Variants in NNMT observed in about 807,000 individuals in gnomAD.
NNMT encodes nicotinamide N-methyltransferase.
Under a neutral mutation model 11.7 loss-of-function variants are expected in NNMT, and 10 were observed. The observed-to-expected ratio is 0.85, with a 90% CI of 0.53 to 1.45. The LOEUF (loss-of-function observed/expected upper bound fraction) is 1.45. Ranked by LOEUF, NNMT falls within the 40% of genes most tolerant of loss-of-function variation. The probability of loss-of-function intolerance (pLI) is 0.00; values close to 1 mark genes in which losing one functional copy is unlikely to be tolerated. For synonymous variants in NNMT, 143 were observed against 133.8 expected (o/e 1.07, Z -0.48); for missense variants, 381 against 319.4 (o/e 1.19, Z -1.47).
chr11:114,264,267 G>A (rs1284163929), intron 2 of NNMT, among the ~76,000 whole-genome samples: 2 of 151,938 alleles, frequency 1.3e-5, no homozygotes, highest in African/African-American at 2.4e-5. Context: ...CCTTGGAAGA[G>A]CAAAATTCTA....
chr11:114,280,256 TG>T (rs2135256098), intron 2 of NNMT, among the ~76,000 whole-genome samples: 1 of 152,278 alleles, frequency 6.6e-6, no homozygotes, highest in Non-Finnish European at 1.5e-5. Flanking sequence ...AGAATGGCAC[TG>T]TGGAGAGTAC....
rs755320068 is a variant in NNMT, at chr11:114,312,669, G to A, written c.*192G>A. 1.1e-5 allele frequency: 6 copies of A among 568,670 alleles called. No homozygotes were observed. The Admixed American group carries it at 1.8e-4, about 17-fold the overall frequency. 35.2% of individuals were successfully genotyped at this position (568,670 alleles called of 1,614,324 possible). ...TACTTGGTGCTGCACACAAATGTTG[G>A]TGCTATGGGACCCAAAGATGAGCAA... On this transcript the variant is annotated 3_prime_UTR_variant, in exon 3 of 3. Transcript: ENST00000299964.
chr11:114,290,834 A>G (rs926473824), intron 2 of NNMT, among the ~76,000 whole-genome samples: 4 of 152,316 alleles, frequency 2.6e-5, no homozygotes, highest in African/African-American at 9.6e-5. Flanking sequence ...CTGGTTGTAG[A>G]ATTCTAAGTT....
upstream of NNMT, among the ~76,000 whole-genome samples, chr11:114,291,839 C>G (rs985511136): frequency 6.6e-6 from 1 of 152,158 alleles, no homozygotes; most frequent in Non-Finnish European, 1.5e-5. Context: ...CCACTTTTTA[C>G]TTAGTCAATT....
At chr11:114,284,350 C>G (rs917650426) in intron 2 of NNMT, among the ~76,000 whole-genome samples, 2 of 152,232 alleles carry the variant, frequency 1.3e-5, no homozygotes, top group Non-Finnish European at 2.9e-5. Context: ...GGCCTGGACA[C>G]CTCGTGGCTG....
At chr11:114,301,264 C>T (rs1437022765) in intron 2 of NNMT, among the ~76,000 whole-genome samples, 1 of 152,200 alleles carries the variant, frequency 6.6e-6, no homozygotes, top group African/African-American at 2.4e-5. Context: ...ATGTATTACA[C>T]TCCTCAGTAT....
In NNMT at chr11:114,296,679, T is replaced by C. The variant is rs1945382597; in HGVS notation, c.123T>C (p.Leu41=). The change falls in exon 1 of 3, where the codon CTT becomes CTC. Residue 41 remains leucine, a synonymous_variant. Coordinates refer to ENST00000299964, the MANE Select transcript of NNMT (RefSeq NM_006169.3). ...HSAESQILKH[L]LKNLFKIFCL... is the part of the protein sequence containing the mutation. Reference sequence around the variant, plus strand: ...CAGAAAGCCAGATTCTTAAGCACCTTCTGAAAAATCTTTTCAAGATATTCT... The same window carrying C: ...CAGAAAGCCAGATTCTTAAGCACCTCCTGAAAAATCTTTTCAAGATATTCT... 1 of 1,614,204 alleles carries C rather than the reference T, an allele frequency of 6.2e-7. No individual in the cohort carries two copies. The highest frequency in any genetic ancestry group is 1.1e-5 in the South Asian group (1 of 91,078).
At chr11:114,277,733 C>G (rs1344464115) in intron 2 of NNMT, among the ~76,000 whole-genome samples, 5 of 152,116 alleles carry the variant, frequency 3.3e-5, no homozygotes, top group Non-Finnish European at 4.4e-5. Flanking sequence ...GGACAGTGCT[C>G]CAAGCCAGCA....
chr11:114,297,687 A>G (rs1391482562), intron 1 of NNMT, among the ~76,000 whole-genome samples: 1 of 151,992 alleles, frequency 6.6e-6, no homozygotes, highest in African/African-American at 2.4e-5. Context: ...AGGTCTCACT[A>G]TGTTGTCCAG....
At position 114,298,071 on chromosome 11, in the gene NNMT, A is replaced by G. The variant is rs760730004; in HGVS notation, c.275A>G (p.Gln92Arg). The change falls in exon 2 of 3, where the codon CAG becomes CGG. Residue 92 changes from glutamine (Q) to arginine (R), a missense_variant. Transcript: ENST00000299964. ...ACTGACTACTCAGACCAGAACCTGC[A>G]GGAGCTGGAGAAGTGGCTGAAGAAA... ...VVTDYSDQNLQELEKWLKKEP... is the reference protein window; with the variant it reads ...VVTDYSDQNLRELEKWLKKEP... The G allele has an allele frequency of 6.2e-7, 1 of 1,614,118 alleles. No individual in the cohort carries two copies. The highest frequency in any genetic ancestry group is 2.2e-5 in the East Asian group (1 of 44,866).
chr11:114,284,751 T>C (rs184348899), intron 2 of NNMT, among the ~76,000 whole-genome samples: 150 of 132,722 alleles, frequency 1.1e-3, no homozygotes, highest in South Asian at 2.3e-3. Context: ...CGTGAGCCAC[T>C]GCACCCGGCC....
In NNMT at chr11:114,278,939, T is replaced by C. The variant is rs115648405; in HGVS notation, c.-130+16005T>C. ...GGCAGCCAGGCACATGTGCAGGGTTTCCAGGGCAGGTGCCCTACGCAAGAC... is the reference window on the plus strand; with the variant it reads ...GGCAGCCAGGCACATGTGCAGGGTTCCCAGGGCAGGTGCCCTACGCAAGAC... On this transcript the variant is annotated intron_variant, in intron 2 of 4. Transcript: ENST00000535401. Among the ~76,000 whole-genome samples the C allele has an allele frequency of 8.2e-3, 1,249 of 152,298 alleles. 15 individuals are homozygous for C. The highest frequency in any genetic ancestry group is 0.028 in the African/African-American group (1,165 of 41,532).
At chr11:114,299,860 C>T (rs1945421065) in intron 2 of NNMT, among the ~76,000 whole-genome samples, 2 of 149,982 alleles carry the variant, frequency 1.3e-5, no homozygotes, top group South Asian at 4.2e-4. Context: ...GTGATCTCTC[C>T]TCTTTCATTC....
intron 2 of NNMT, among the ~76,000 whole-genome samples, chr11:114,285,302 G>T (rs988912961): frequency 6.6e-6 from 1 of 152,152 alleles, no homozygotes. Context: ...AAAGCTCTAC[G>T]AGAGGGCACA....
chr11:114,267,965 C>T (rs1195006262), intron 2 of NNMT, among the ~76,000 whole-genome samples: 16 of 152,110 alleles, frequency 1.1e-4, no homozygotes, highest in Admixed American at 9.8e-4. Flanking sequence ...CATACTGCAT[C>T]GATTTGTTAT....
At chr11:114,266,542 C>A (rs1252934755) in intron 2 of NNMT, among the ~76,000 whole-genome samples, 1 of 151,914 alleles carries the variant, frequency 6.6e-6, no homozygotes, top group Non-Finnish European at 1.5e-5. Flanking sequence ...ACCCCCACCC[C>A]CAGTCCCACC....
chr11:114,264,647 G>GC, intron 2 of NNMT, among the ~76,000 whole-genome samples: 1 of 152,290 alleles, frequency 6.6e-6, no homozygotes, highest in South Asian at 2.1e-4. Context: ...TCCCACAAAA[G>GC]CGCCTCCCAC....
chr11:114,266,015 C>G (rs1945117132), intron 2 of NNMT, among the ~76,000 whole-genome samples: 1 of 152,086 alleles, frequency 6.6e-6, no homozygotes, highest in South Asian at 2.1e-4. Flanking sequence ...ATGCTTGAAG[C>G]CTTTTCCAGT....
intron 2 of NNMT, among the ~76,000 whole-genome samples, chr11:114,267,037 G>A (rs1199430390): frequency 1.3e-5 from 2 of 152,252 alleles, no homozygotes; most frequent in South Asian, 2.1e-4. Flanking sequence ...GGCCAAGGTA[G>A]GCAAATCATC....
Sources: gnomAD v4.1 joint callset for allele counts (sites outside exome capture counted in the v4.1 genomes callset) on GRCh38, gnomAD v4.1.1 for gene constraint, MANE v1.5 for transcripts, NCBI Gene and HGNC (gene_info 2026-07-23, HGNC 2026-07-21) for gene names.